The following MYOF variants were observed in gnomAD, a reference collection of about 807,000 sequenced individuals.
The protein encoded by MYOF is myoferlin, also known as fer-1-like 3, myoferlin.
Under a neutral mutation model 284.2 loss-of-function variants are expected in MYOF, and 244 were observed. That is an observed-to-expected ratio of 0.86 (90% confidence interval 0.77 to 0.95). The LOEUF is 0.95. MYOF is among the 40% of genes least tolerant of loss of function. The probability of loss-of-function intolerance (pLI) is 0.00; values close to 1 mark genes in which losing one functional copy is unlikely to be tolerated. For missense variants in MYOF, 2,496 were observed against 2,560.6 expected, an observed-to-expected ratio of 0.97 and a Z score of 0.54; for synonymous variants, 904 against 919.7, an observed-to-expected ratio of 0.98 and a Z score of 0.31.
At chr10:93,308,200 G>A (rs958321639) in intron 53 of MYOF, among the ~76,000 whole-genome samples, 16 of 151,050 alleles carry the variant, frequency 1.1e-4, no homozygotes, top group Non-Finnish European at 1.8e-4. Flanking sequence ...CCAAGATTGC[G>A]CCACTGTACT....
chr10:93,395,669 G>C (rs1589498736), intron 16 of MYOF, among the ~76,000 whole-genome samples: 1 of 151,860 alleles, frequency 6.6e-6, no homozygotes, highest in East Asian at 1.9e-4. Context: ...ATTATCTTAG[G>C]GAGTGAGGAC....
At chr10:93,436,029 G>A (rs1404045018) in intron 3 of MYOF, among the ~76,000 whole-genome samples, 1 of 151,372 alleles carries the variant, frequency 6.6e-6, no homozygotes, top group Non-Finnish European at 1.5e-5. Context: ...TGCTAGGCAG[G>A]GTTTCTGCCT....
At chr10:93,405,645 G>A (rs73319696) in intron 7 of MYOF, among the ~76,000 whole-genome samples, 7,612 of 152,126 alleles carry the variant, frequency 0.05, 644 homozygotes, top group African/African-American at 0.17. Context: ...CCTCACTGTC[G>A]GATGCAAATT....
intron 3 of MYOF, among the ~76,000 whole-genome samples, chr10:93,449,105 C>T (rs2056519696): frequency 1.3e-5 from 2 of 152,166 alleles, no homozygotes; most frequent in African/African-American, 4.8e-5. Flanking sequence ...CTACAGAGCA[C>T]TTGAAATGTG....
Position 93,378,693 on chromosome 10 carries a change from G to GTGTGTATATATATATATA in MYOF, c.2001+1169_2001+1170insTATATATATATATACACA. On this transcript the variant is annotated intron_variant, in intron 21 of 53. Coordinates refer to ENST00000359263, the MANE Select transcript of MYOF (RefSeq NM_013451.4). ...TATGTGTGTGTGTATGTGTGTGTGT[G>GTGTGTATATATATATATA]TATATATATATATATATATATATGT... Among the ~76,000 whole-genome samples, 379 of 87,818 alleles carry GTGTGTATATATATATATA rather than the reference G, an allele frequency of 4.3e-3. 9 individuals are homozygous for GTGTGTATATATATATATA. Among genetic ancestry groups the GTGTGTATATATATATATA allele is most frequent in the African/African-American group, 0.015 (312 of 20,742 alleles). 57.6% of individuals were successfully genotyped at this position (87,818 alleles called of 152,430 possible).
chr10:93,481,343 G>A (rs1257451325), intron 1 of MYOF, among the ~76,000 whole-genome samples: 4 of 152,146 alleles, frequency 2.6e-5, no homozygotes, highest in African/African-American at 9.7e-5. Flanking sequence ...GCTCAGGGTT[G>A]AGGAGCCACT....
In MYOF at chr10:93,364,071, G is replaced by A. The variant is rs1845211784; in HGVS notation, c.2758C>T (p.Leu920=). 5 of 1,613,902 alleles carry A rather than the reference G, an allele frequency of 3.1e-6. No individual in the cohort carries two copies. Among genetic ancestry groups the A allele is most frequent in the South Asian group, 1.1e-5 (1 of 91,076 alleles). Residue 920 remains leucine, a synonymous_variant, in exon 27 of 54, where the codon CTG becomes TTG. Transcript: ENST00000359263. ...GTGTGACCTGCATCTGCCTCAGTCA[G>A]CAAGCTGTGGGGCGGGGAGGGCTCA... is the stretch of plus-strand genomic sequence containing the variant. ...EWIVDPERSL[L]TEADAGHTEF...
chr10:93,441,997 A>AACAC (rs34488205), intron 3 of MYOF, among the ~76,000 whole-genome samples: 25,443 of 132,798 alleles, frequency 0.19, 2,786 homozygotes, highest in Non-Finnish European at 0.25. Flanking sequence ...CCTCAACCTG[A>AACAC]ACACACACAC....
intron 50 of MYOF, among the ~76,000 whole-genome samples, chr10:93,315,581 T>A (rs1232794942): frequency 6.6e-6 from 1 of 152,110 alleles, no homozygotes; most frequent in East Asian, 1.9e-4. Context: ...ACAGGCTCAC[T>A]GCCAGCCAGA....
At position 93,404,625 on chromosome 10, in the gene MYOF, T is replaced by C. The variant is rs576766355; in HGVS notation, c.730-406A>G. 1.4e-3 allele frequency among the ~76,000 whole-genome samples: 161 copies of C among 115,766 alleles called. No homozygotes were observed. In the Middle Eastern group the frequency reaches 0.041, roughly 29 times the overall value. The allele number at this position is 115,766 out of a possible 152,430, so 75.9% of individuals were successfully genotyped here. The stretch of plus-strand genomic sequence containing the variant: ...GAGTTCAAGACCAGCCAGGACAATA[T>C]AGTGAGAGGCCATCTCAAAAAAAAA... On this transcript the variant is annotated intron_variant, in intron 7 of 53. Coordinates refer to ENST00000359263, the MANE Select transcript of MYOF (RefSeq NM_013451.4).
In MYOF at chr10:93,329,755, C is replaced by T. The variant is rs759110355; in HGVS notation, c.4891G>A (p.Asp1631Asn). 1.2e-6 allele frequency: 2 copies of T among 1,614,186 alleles called. No homozygotes were observed. Among genetic ancestry groups the T allele is most frequent in the Non-Finnish European group, 8.5e-7 (1 of 1,180,032 alleles). ...SVYDYDTFTR[D>N]EKVGETIIDL... ...ATAATTGTTTCTCCTACTTTTTCAT[C>T]CCGGGTAAAGGTGTCATAATCATAG... Residue 1631 changes from aspartate (D) to asparagine (N), a missense_variant, in exon 44 of 54, where the codon GAT becomes AAT. This residue lies in a region of MYOF where 2,436 missense variants were observed against 2,480.7 expected (regional missense o/e 0.98). Transcript: ENST00000359263.
rs774601264 is a variant in MYOF at position 93,343,876 on chromosome 10, T to C, written c.4306A>G (p.Lys1436Glu). ...RDIVIEMEDT[K>E]PLLASKLTEK... ...CCTACCTTAGAAGCCAGTAATGGTT[T>C]GGTGTCTTCCATTTCGATAACGATG... Residue 1436 changes from lysine (K) to glutamate (E), a missense_variant, in exon 38 of 54, where the codon AAA becomes GAA. Coordinates refer to ENST00000359263, the MANE Select transcript of MYOF (RefSeq NM_013451.4). 1.2e-6 allele frequency: 2 copies of C among 1,614,088 alleles called. No homozygotes were observed. The highest frequency in any genetic ancestry group is 1.3e-5 in the African/African-American group (1 of 74,936).
intron 4 of MYOF, among the ~76,000 whole-genome samples, chr10:93,428,725 C>T (rs788093): frequency 0.96 from 146,286 of 152,256 alleles, 70,573 homozygotes; most frequent in East Asian, 1. Flanking sequence ...ATAAGGAATA[C>T]GACCCTAGCC....
At chr10:93,442,041 C>CACACACAGAGAG (rs57700900) in intron 3 of MYOF, among the ~76,000 whole-genome samples, 3,403 of 142,436 alleles carry the variant, frequency 0.024, 56 homozygotes, top group Middle Eastern at 0.037. Flanking sequence ...CACACACACA[C>CACACACAGAGAG]AGAATAAACC....
chr10:93,351,291 C>G lies in MYOF; in HGVS notation c.3827G>C (p.Gly1276Ala). The change falls in exon 35 of 54, where the codon GGC becomes GCC. Residue 1276 changes from glycine (G) to alanine (A), a missense_variant. Gly to Ala is a moderately conservative substitution (Grantham distance 60, BLOSUM62 0). This residue lies in a region of MYOF where 2,436 missense variants were observed against 2,480.7 expected (regional missense o/e 0.98). Transcript: ENST00000359263. ...AGGGGGAAGAATGGGAAGGTTGGAG[C>G]CATCCTGTGAAACAAACATGGATAT... ...TAELILRGKD[G>A]SNLPILPPQR... 6.2e-7 allele frequency: 1 copy of G among 1,612,186 alleles called. No homozygotes were observed. Among genetic ancestry groups the G allele is most frequent in the Non-Finnish European group, 8.5e-7 (1 of 1,179,302 alleles).
At chr10:93,326,859 A>T (rs970180746) in intron 45 of MYOF, among the ~76,000 whole-genome samples, 1 of 152,052 alleles carries the variant, frequency 6.6e-6, no homozygotes, top group Non-Finnish European at 1.5e-5. Flanking sequence ...TCCTGGGCTC[A>T]GGCGATCTGC....
intron 17 of MYOF, among the ~76,000 whole-genome samples, chr10:93,391,443 A>G (rs1175722463): frequency 2.6e-5 from 4 of 151,730 alleles, no homozygotes; most frequent in Non-Finnish European, 5.9e-5. Context: ...AACACAAAAA[A>G]AATTAGCCAG....
intron 1 of MYOF, 58 bp from the exon 2 acceptor site, chr10:93,456,995 G>A (rs1017631119): frequency 1.1e-5 from 14 of 1,305,692 alleles, no homozygotes; most frequent in Non-Finnish European, 1.5e-5. Context: ...AAAGAGCGTG[G>A]GCCATTCATT....
At chr10:93,353,224 C>T (rs993768216) in intron 32 of MYOF, among the ~76,000 whole-genome samples, 3 of 152,088 alleles carry the variant, frequency 2.0e-5, no homozygotes, top group Non-Finnish European at 2.9e-5. Context: ...CATGTTCTCC[C>T]CTCCTCCCCT....
Sources: gnomAD v4.1 joint callset for allele counts (sites outside exome capture counted in the v4.1 genomes callset) on GRCh38, gnomAD v4.1.1 for gene constraint, gnomAD v4.1.1 regional missense constraint, MANE v1.5 for transcripts, NCBI Gene and HGNC (gene_info 2026-07-23, HGNC 2026-07-21) for gene names.